PPP1R14C: variants seen among roughly 807,000 people sequenced by gnomAD.
PPP1R14C encodes the protein protein phosphatase 1 regulatory subunit 14C.
PPP1R14C carries 16 observed loss-of-function variants against 20.4 expected under a neutral mutation model. The observed-to-expected ratio is 0.78, with a 90% CI of 0.53 to 1.19. The LOEUF (loss-of-function observed/expected upper bound fraction) is 1.19, where lower values mean the gene tolerates loss of function less well. Ranked by LOEUF, PPP1R14C falls within the 50% of genes most tolerant of loss-of-function variation. PPP1R14C has a pLI of 0.00. For missense variants in PPP1R14C, 211 were observed against 220.1 expected, an observed-to-expected ratio of 0.96 and a Z score of 0.26; for synonymous variants, 91 against 91.0, an observed-to-expected ratio of 1.00 and a Z score of 0.00.
intron 3 of PPP1R14C, among the ~76,000 whole-genome samples, chr6:150,226,638 CTT>C (rs1562274616): frequency 1.3e-5 from 2 of 152,086 alleles, no homozygotes; most frequent in Admixed American, 1.3e-4. Flanking sequence ...AAAAAAATCT[CTT>C]TTTATAGCTG....
intron 1 of PPP1R14C, among the ~76,000 whole-genome samples, chr6:150,159,666 G>C (rs905808867): frequency 2.7e-5 from 4 of 150,212 alleles, no homozygotes; most frequent in Admixed American, 2.0e-4. Flanking sequence ...GATGGTTTTA[G>C]ATTTACAGAA....
rs113339709 is a variant in PPP1R14C at position 150,192,807 on chromosome 6, C to T, written c.307-21937C>T. Among the ~76,000 whole-genome samples, 231 of 152,268 alleles carry T rather than the reference C, an allele frequency of 1.5e-3. 2 individuals carry two copies. Among genetic ancestry groups the T allele is most frequent in the East Asian group, 4.4e-3 (23 of 5,178 alleles). On this transcript the variant is annotated intron_variant, in intron 1 of 3. Transcript: ENST00000361131. ...AAGACTGGACTGGGCTGGTTTTCCA[C>T]GATGGTTCCTTCACCTACAGGTCTG...
chr6:150,182,524 G>A (rs1404485293), intron 1 of PPP1R14C, among the ~76,000 whole-genome samples: 2 of 152,098 alleles, frequency 1.3e-5, no homozygotes, highest in Non-Finnish European at 2.9e-5. Context: ...CCTCCCAAAG[G>A]TCTCACGTCC....
At chr6:150,231,072 C>G (rs1324390331) in intron 3 of PPP1R14C, among the ~76,000 whole-genome samples, 1 of 152,188 alleles carries the variant, frequency 6.6e-6, no homozygotes, top group Non-Finnish European at 1.5e-5. Context: ...CGGACTAGTG[C>G]AGGGCGCAGA....
chr6:150,189,455 G>A (rs918235072), intron 1 of PPP1R14C, among the ~76,000 whole-genome samples: 16 of 152,084 alleles, frequency 1.1e-4, no homozygotes, highest in African/African-American at 3.9e-4. Context: ...CCATTTCTCA[G>A]GGCCACTGTT....
intron 1 of PPP1R14C, among the ~76,000 whole-genome samples, chr6:150,187,245 CTCTGTGTGTG>C (rs1337716529): frequency 1.4e-4 from 16 of 110,974 alleles, no homozygotes; most frequent in African/African-American, 5.1e-4. Context: ...CTTTCTCTTT[CTCTGTGTGTG>C]TGTGTGTGTG....
In PPP1R14C at chr6:150,187,521, G is replaced by T. The variant is rs550724369; in HGVS notation, c.307-27223G>T. On this transcript the variant is annotated intron_variant, in intron 1 of 3. Transcript: ENST00000361131. ...TGTGTCCATGTGTTCTCATCTTTTA[G>T]CTTCTACTTTTGGGAATGTGTGGTA... Among the ~76,000 whole-genome samples the T allele has an allele frequency of 7.9e-5, 12 of 152,072 alleles. No individual in the cohort carries two copies. The South Asian group carries it at 2.5e-3, about 32-fold the overall frequency.
chr6:150,204,451 G>A (rs868604297), intron 1 of PPP1R14C, among the ~76,000 whole-genome samples: 4 of 152,066 alleles, frequency 2.6e-5, no homozygotes, highest in African/African-American at 9.7e-5. Flanking sequence ...TTCACTTAAC[G>A]ATTTTCAGGC....
chr6:150,236,613 CTGTGTGTGTG>C (rs142109127), intron 3 of PPP1R14C, among the ~76,000 whole-genome samples: 2 of 144,504 alleles, frequency 1.4e-5, no homozygotes, highest in Non-Finnish European at 1.5e-5. Flanking sequence ...GTTGGTGCCA[CTGTGTGTGTG>C]TGTGTGTGTG....
intron 3 of PPP1R14C, among the ~76,000 whole-genome samples, chr6:150,247,640 G>T (rs77608515): frequency 3.3e-5 from 5 of 152,272 alleles, no homozygotes; most frequent in Non-Finnish European, 7.3e-5. Flanking sequence ...TGTAGGTACC[G>T]GATTGTAACA....
intron 1 of PPP1R14C, among the ~76,000 whole-genome samples, chr6:150,168,453 A>T (rs1777459022): frequency 6.6e-6 from 1 of 152,128 alleles, no homozygotes; most frequent in Non-Finnish European, 1.5e-5. Context: ...GAATGGCGTG[A>T]ACCCGGGAGG....
At chr6:150,200,478 C>A (rs559933951) in intron 1 of PPP1R14C, among the ~76,000 whole-genome samples, 2 of 152,208 alleles carry the variant, frequency 1.3e-5, no homozygotes, top group South Asian at 4.1e-4. Flanking sequence ...CTAAGGTGAA[C>A]CAGCCAGCTC....
chr6:150,241,430 G>A (rs1172126803), intron 3 of PPP1R14C, among the ~76,000 whole-genome samples: 1 of 152,114 alleles, frequency 6.6e-6, no homozygotes, highest in African/African-American at 2.4e-5. Flanking sequence ...GCAAATTATT[G>A]TACCCTCAGA....
At position 150,250,221 on chromosome 6, in the gene PPP1R14C, A is replaced by G. The variant is rs1778548919; in HGVS notation, c.*1401A>G. Reference sequence around the variant, plus strand: ...ATTTTATATCAAGGGTGCTCTGAACATATTTTATTTTTTAAAAAAACTATG... The same window carrying G: ...ATTTTATATCAAGGGTGCTCTGAACGTATTTTATTTTTTAAAAAAACTATG... On this transcript the variant is annotated 3_prime_UTR_variant, in exon 4 of 4. Coordinates refer to ENST00000361131, the MANE Select transcript of PPP1R14C (RefSeq NM_030949.3). 1 of 152,498 alleles carries G rather than the reference A, an allele frequency of 6.6e-6. No individual in the cohort carries two copies. Among genetic ancestry groups the G allele is most frequent in the Admixed American group, 6.5e-5 (1 of 15,268 alleles). 9.4% of individuals were successfully genotyped at this position (152,498 alleles called of 1,614,324 possible). A position where few individuals can be genotyped will look rare whatever the true frequency, so the allele number is the denominator to read the frequency against.
intron 1 of PPP1R14C, among the ~76,000 whole-genome samples, chr6:150,149,164 C>T (rs568778551): frequency 3.2e-4 from 49 of 152,214 alleles, no homozygotes; most frequent in Non-Finnish European, 4.7e-4. Flanking sequence ...TAGGGAAATG[C>T]GGGGTGGAAG....
chr6:150,162,135 A>G (rs1325997674), intron 1 of PPP1R14C, among the ~76,000 whole-genome samples: 2 of 151,436 alleles, frequency 1.3e-5, no homozygotes, highest in East Asian at 1.9e-4. Flanking sequence ...GCTCACTGCA[A>G]CCTCTGCCTC....
chr6:150,244,232 C>G (rs11967134), intron 3 of PPP1R14C, among the ~76,000 whole-genome samples: 1,971 of 151,708 alleles, frequency 0.013, 55 homozygotes, highest in African/African-American at 0.045. Context: ...TCAAACTTCT[C>G]TCATCTAAGA....
At position 150,216,867 on chromosome 6, in the gene PPP1R14C, C is replaced by G; in HGVS notation, c.423+11C>G. On this transcript the variant is annotated intron_variant, in intron 3 of 3. Transcript: ENST00000361131. ...TACAAACCAACAGAGGTAAGCAAAT[C>G]ACTTTTCCTAAATGCCATGTTTGAA... The G allele has an allele frequency of 6.3e-7, 1 of 1,598,284 alleles. No homozygotes were observed. Among genetic ancestry groups the G allele is most frequent in the Non-Finnish European group, 8.5e-7 (1 of 1,170,754 alleles).
rs775018686 is a variant in PPP1R14C, at chr6:150,143,481, C to G, written c.289C>G (p.Gln97Glu). The change falls in exon 1 of 4, where the codon CAG becomes GAG. Residue 97 changes from glutamine to glutamate, a missense_variant. Transcript: ENST00000361131. This position sits in a 1 kb window ranked among gnomAD's most constrained non-coding sequence, Gnocchi z 5.6. ...LEEWIVEQLGQLYGCEEEEMP... is the reference protein window; with the variant it reads ...LEEWIVEQLGELYGCEEEEMP... ...GGAATGGATCGTGGAGCAGCTGGGTCAGCTCTACGGCTGCGAGGTACCTGG... is the reference window on the plus strand; with the variant it reads ...GGAATGGATCGTGGAGCAGCTGGGTGAGCTCTACGGCTGCGAGGTACCTGG... 7 of 1,597,476 alleles carry G rather than the reference C, an allele frequency of 4.4e-6. No individual in the cohort carries two copies. Among genetic ancestry groups the G allele is most frequent in the African/African-American group, 1.4e-5 (1 of 73,988 alleles).
Sources: allele counts gnomAD v4.1 joint callset (sites outside exome capture counted in the v4.1 genomes callset), GRCh38; gene constraint gnomAD v4.1.1; non-coding constraint Gnocchi (gnomAD v3.1); transcripts MANE v1.5; gene names NCBI Gene and HGNC (gene_info 2026-07-23, HGNC 2026-07-21).